CDH11: variants seen among roughly 807,000 people sequenced by gnomAD.
The protein encoded by CDH11 is cadherin 11, also known as cadherin-11.
Under a neutral mutation model 67.8 loss-of-function variants are expected in CDH11, and 11 were observed. The observed-to-expected ratio is 0.16, with a 90% CI of 0.10 to 0.27. The LOEUF (loss-of-function observed/expected upper bound fraction) is 0.27, where lower values mean the gene tolerates loss of function less well. CDH11 is among the 10% of genes least tolerant of loss of function. The pLI, the probability that CDH11 is intolerant of heterozygous loss-of-function variation, is 1.00. For missense variants in CDH11, 847 were observed against 1,031.2 expected (o/e 0.82, Z 2.45); for synonymous variants, 419 against 400.0 (o/e 1.05, Z -0.57).
intron 3 of CDH11, among the ~76,000 whole-genome samples, chr16:65,000,889 ATAG>A (rs1208969091): frequency 6.6e-6 from 1 of 151,808 alleles, no homozygotes; most frequent in Non-Finnish European, 1.5e-5. Flanking sequence ...AACAATATTA[ATAG>A]TATTATTTAT....
intron 1 of CDH11, among the ~76,000 whole-genome samples, chr16:65,114,548 C>A (rs972107932): frequency 6.6e-6 from 1 of 151,960 alleles, no homozygotes; most frequent in African/African-American, 2.4e-5. Context: ...GATGAGGTAC[C>A]GAGTAGAGCG....
intron 3 of CDH11, among the ~76,000 whole-genome samples, chr16:65,000,133 T>C (rs1367050475): frequency 6.6e-6 from 1 of 152,188 alleles, no homozygotes; most frequent in Non-Finnish European, 1.5e-5. Flanking sequence ...AGAGATAAGA[T>C]GATATTTGCC....
At chr16:64,948,854 CT>C in intron 12 of CDH11, 2 of 1,096,032 alleles carry the variant, frequency 1.8e-6, no homozygotes, top group Non-Finnish European at 2.6e-6. Context: ...CATTGATTCC[CT>C]CTTTTCCCCA....
intron 2 of CDH11, among the ~76,000 whole-genome samples, chr16:65,007,880 T>A (rs1431132330): frequency 6.6e-6 from 1 of 152,194 alleles, no homozygotes; most frequent in Non-Finnish European, 1.5e-5. Context: ...AATACAATTT[T>A]AATATATGAT....
intron 3 of CDH11, among the ~76,000 whole-genome samples, chr16:65,003,556 G>A (rs888825526): frequency 3.3e-5 from 5 of 152,122 alleles, no homozygotes; most frequent in Admixed American, 6.6e-5. Flanking sequence ...TGTGCTGGCC[G>A]CACATATCTT....
intron 8 of CDH11, 89 bp from the exon 9 acceptor site, chr16:64,973,129 G>T: frequency 2.4e-6 from 3 of 1,225,700 alleles, no homozygotes; most frequent in Non-Finnish European, 3.4e-6. Flanking sequence ...TTTAAATCAA[G>T]CTTCTCAATG....
At chr16:65,097,221 C>G (rs140625014) in intron 1 of CDH11, among the ~76,000 whole-genome samples, 1 of 152,130 alleles carries the variant, frequency 6.6e-6, no homozygotes, top group Admixed American at 6.5e-5. Context: ...AAATAATATA[C>G]GTGTTGTAAA....
intron 4 of CDH11, 130 bp downstream of exon 4, chr16:64,998,432 T>C (rs1437695891): frequency 3.7e-5 from 32 of 860,754 alleles, no homozygotes; most frequent in Non-Finnish European, 5.3e-5. Flanking sequence ...GAATTTTTGT[T>C]CCTTTTGTTA....
At chr16:64,979,415 C>A (rs1254729856) in intron 8 of CDH11, among the ~76,000 whole-genome samples, 1 of 152,144 alleles carries the variant, frequency 6.6e-6, no homozygotes, top group African/African-American at 2.4e-5. Flanking sequence ...CCACTGCACT[C>A]CAGCCTGGGC....
chr16:65,014,629 G>A (rs976539167), intron 2 of CDH11, among the ~76,000 whole-genome samples: 15 of 152,156 alleles, frequency 9.9e-5, no homozygotes, highest in Admixed American at 3.3e-4. Context: ...TGGAGGCATT[G>A]CAATAGTTCA....
intron 2 of CDH11, among the ~76,000 whole-genome samples, chr16:65,022,922 G>A (rs534864732): frequency 2.4e-4 from 37 of 152,262 alleles, no homozygotes; most frequent in African/African-American, 8.9e-4. Context: ...GTGTCCCAGG[G>A]TCAACACAAC....
At chr16:64,972,841 A>G in intron 9 of CDH11, 63 bp downstream of exon 9, 1 of 1,548,022 alleles carries the variant, frequency 6.5e-7, no homozygotes, top group Admixed American at 1.8e-5. Context: ...ACTTTCCAGA[A>G]TATAGAGTCT....
chr16:64,978,346 A>G (rs1273423645), intron 8 of CDH11, among the ~76,000 whole-genome samples: 1 of 152,260 alleles, frequency 6.6e-6, no homozygotes, highest in Non-Finnish European at 1.5e-5. Flanking sequence ...AGGGCCAGCC[A>G]GCAAATGTTT....
intron 1 of CDH11, among the ~76,000 whole-genome samples, chr16:65,112,078 A>AG (rs2075169000): frequency 6.6e-6 from 1 of 151,638 alleles, no homozygotes; most frequent in Admixed American, 6.6e-5. Context: ...TCAAAAAAAA[A>AG]AAAAAAAAAA....
chr16:65,036,564 G>T (rs1026014674), intron 2 of CDH11, among the ~76,000 whole-genome samples: 6 of 152,116 alleles, frequency 3.9e-5, no homozygotes, highest in African/African-American at 1.4e-4. Flanking sequence ...CCCTATTAGG[G>T]TCATAAATCA....
intron 11 of CDH11, among the ~76,000 whole-genome samples, chr16:64,958,770 C>CA (rs967048608): frequency 2.4e-4 from 37 of 151,136 alleles, no homozygotes; most frequent in African/African-American, 6.6e-4. Flanking sequence ...TATAATTAGA[C>CA]AAAAAAAAGA....
At chr16:65,048,908 T>C (rs2074009592) in intron 2 of CDH11, among the ~76,000 whole-genome samples, 1 of 151,930 alleles carries the variant, frequency 6.6e-6, no homozygotes, top group African/African-American at 2.4e-5. Flanking sequence ...TGCAACAACA[T>C]AGATGAAGCT....
intron 2 of CDH11, among the ~76,000 whole-genome samples, chr16:65,005,319 A>G (rs1254670544): frequency 6.6e-6 from 1 of 152,216 alleles, no homozygotes; most frequent in Non-Finnish European, 1.5e-5. Context: ...ATCTGTTATA[A>G]TTGATCAAAA....
At chr16:65,025,258 C>T (rs2073509022) in intron 2 of CDH11, among the ~76,000 whole-genome samples, 1 of 152,166 alleles carries the variant, frequency 6.6e-6, no homozygotes, top group Admixed American at 6.5e-5. Context: ...TTTGTAAAAG[C>T]ATAATTTGGG....
Sources: allele counts gnomAD v4.1 joint callset (sites outside exome capture counted in the v4.1 genomes callset), GRCh38; gene constraint gnomAD v4.1.1; transcripts MANE v1.5; gene names NCBI Gene and HGNC (gene_info 2026-07-23, HGNC 2026-07-21).